The following SPOCK3 variants were observed in gnomAD, a reference collection of about 807,000 sequenced individuals.
The protein encoded by SPOCK3 is testican-3.
A neutral mutation model predicts 56.6 loss-of-function variants in SPOCK3; 30 were observed. The ratio of observed to expected loss-of-function variants is 0.53; its 90% CI spans 0.40 to 0.72. The LOEUF (loss-of-function observed/expected upper bound fraction) is 0.72, where lower values mean the gene tolerates loss of function less well. SPOCK3 is among the 30% of genes least tolerant of loss of function. SPOCK3 has a pLI of 0.00. For missense variants in SPOCK3, 527 were observed against 530.0 expected, an observed-to-expected ratio of 0.99 and a Z score of 0.06; for synonymous variants, 196 against 183.3, an observed-to-expected ratio of 1.07 and a Z score of -0.56.
At chr4:167,089,027 G>A (rs934574743) in intron 2 of SPOCK3, among the ~76,000 whole-genome samples, 1 of 151,940 alleles carries the variant, frequency 6.6e-6, no homozygotes, top group African/African-American at 2.4e-5. Context: ...CAATTCATTA[G>A]GTCAGCATAT....
rs953857849 is a variant in SPOCK3, at chr4:167,142,954, T to C, written c.190-80417A>G. Among the ~76,000 whole-genome samples the C allele has an allele frequency of 3.2e-4, 49 of 152,044 alleles. No homozygotes were observed. In the Middle Eastern group the frequency reaches 0.01, roughly 32 times the overall value. On this transcript the variant is annotated intron_variant, in intron 2 of 10. Transcript: ENST00000357545. ...GATAAAAGGAAGTCAATACATAATA[T>C]TATGCCACTAGCTGAAGAATTAATA...
chr4:167,102,392 A>T (rs1218190473), intron 2 of SPOCK3: 2 of 152,226 alleles, frequency 1.3e-5, no homozygotes, highest in African/African-American at 4.8e-5. Flanking sequence ...CTACACAAAG[A>T]AAGCACCTTC....
At chr4:166,981,789 G>T (rs1746604753) in intron 4 of SPOCK3, among the ~76,000 whole-genome samples, 1 of 152,164 alleles carries the variant, frequency 6.6e-6, no homozygotes, top group South Asian at 2.1e-4. Flanking sequence ...TCTACACCAA[G>T]GGGAGCCTGC....
intron 4 of SPOCK3, among the ~76,000 whole-genome samples, chr4:166,935,899 G>C (rs774411196): frequency 6.6e-6 from 1 of 152,112 alleles, no homozygotes; most frequent in African/African-American, 2.4e-5. Context: ...GTTAGATGTG[G>C]TATATAATAA....
intron 2 of SPOCK3, among the ~76,000 whole-genome samples, chr4:167,158,244 C>T (rs1764980147): frequency 6.6e-6 from 1 of 151,894 alleles, no homozygotes; most frequent in Admixed American, 6.6e-5. Flanking sequence ...AGGATATACA[C>T]TATAGTCTTT....
intron 8 of SPOCK3, chr4:166,754,023 T>C: frequency 4.7e-6 from 4 of 843,628 alleles, no homozygotes; most frequent in Non-Finnish European, 5.7e-6. Context: ...TTTTGAAAAG[T>C]TTGAAAGACT....
At chr4:166,743,639 C>G (rs956632464) in intron 8 of SPOCK3, among the ~76,000 whole-genome samples, 2 of 152,132 alleles carry the variant, frequency 1.3e-5, no homozygotes, top group Non-Finnish European at 2.9e-5. Context: ...AGAGTATGAG[C>G]CGAAGCAGGG....
intron 7 of SPOCK3, among the ~76,000 whole-genome samples, chr4:166,771,549 C>T (rs1291434104): frequency 1.3e-5 from 2 of 151,968 alleles, no homozygotes; most frequent in East Asian, 1.9e-4. Context: ...ATTATTATTA[C>T]ATTTCATCAA....
chr4:167,056,887 C>A (rs1248620632), intron 3 of SPOCK3, among the ~76,000 whole-genome samples: 1 of 152,078 alleles, frequency 6.6e-6, no homozygotes, highest in Non-Finnish European at 1.5e-5. Flanking sequence ...GGAGAACTTC[C>A]CCAATCTAGC....
At chr4:167,194,811 TACACCA>T (rs1279447445) in intron 2 of SPOCK3, among the ~76,000 whole-genome samples, 11 of 152,148 alleles carry the variant, frequency 7.2e-5, no homozygotes, top group African/African-American at 2.7e-4. Context: ...GGGACAAGGA[TACACCA>T]CTTCAGGCTC....
chr4:166,860,801 T>TCATATATATATATATA (rs1450447626), intron 6 of SPOCK3, among the ~76,000 whole-genome samples: 3 of 19,030 alleles, frequency 1.6e-4, no homozygotes, highest in Admixed American at 3.8e-4. Context: ...ACACACAAAT[T>TCATATATATATATATA]CATATATATA....
chr4:167,151,219 C>T (rs935809127), intron 2 of SPOCK3, among the ~76,000 whole-genome samples: 1 of 152,050 alleles, frequency 6.6e-6, no homozygotes, highest in Non-Finnish European at 1.5e-5. Flanking sequence ...GTGATTGCAA[C>T]GCGTAGTCGA....
chr4:167,116,588 A>ATATATATACGTATATACTATATACG (rs1561233588), intron 2 of SPOCK3, among the ~76,000 whole-genome samples: 8 of 138,488 alleles, frequency 5.8e-5, no homozygotes, highest in African/African-American at 2.1e-4. Flanking sequence ...ATAGTTTTGT[A>ATATATATACGTATATACTATATACG]TATATATACA....
rs890030692 is a variant in SPOCK3 at position 166,830,097 on chromosome 4, C to A, written c.590-37808G>T. 2.0e-5 allele frequency among the ~76,000 whole-genome samples: 3 copies of A among 152,206 alleles called. No homozygotes were observed. In the East Asian group the frequency reaches 5.8e-4, roughly 30 times the overall value. On this transcript the variant is annotated intron_variant, in intron 6 of 10. Coordinates refer to ENST00000357545, the MANE Select transcript of SPOCK3 (RefSeq NM_001040159.2). Reference sequence around the variant, plus strand: ...ATTTCTTATACCACTCTTCATTTTACGTAAGATATCTCTCAATCACCACCC... The same window carrying A: ...ATTTCTTATACCACTCTTCATTTTAAGTAAGATATCTCTCAATCACCACCC...
chr4:166,869,606 CTGTGTGTGTGTGTGTGTGTG>C (rs34623275), intron 6 of SPOCK3, among the ~76,000 whole-genome samples: 3 of 141,928 alleles, frequency 2.1e-5, no homozygotes, highest in South Asian at 2.4e-4. Flanking sequence ...CAATAGAATT[CTGTGTGTGTGTGTGTGTGTG>C]TGTGTGTGTG....
intron 2 of SPOCK3, among the ~76,000 whole-genome samples, chr4:167,109,422 T>TGTATATTTATATATAAATATATATATAA (rs1561225549): frequency 1.1e-3 from 79 of 69,954 alleles, no homozygotes; most frequent in East Asian, 0.01. Context: ...TATATATAAA[T>TGTATATTTATATATAAATATATATATAA]ATATATATGA....
chr4:167,109,251 T>C (rs1285571381), intron 2 of SPOCK3, among the ~76,000 whole-genome samples: 5 of 89,898 alleles, frequency 5.6e-5, no homozygotes, highest in African/African-American at 2.3e-4. Flanking sequence ...ATTTATTTAT[T>C]ATATATTTAT....
intron 4 of SPOCK3, among the ~76,000 whole-genome samples, chr4:166,939,727 A>T (rs1411620361): frequency 6.6e-6 from 1 of 152,212 alleles, no homozygotes; most frequent in Non-Finnish European, 1.5e-5. Flanking sequence ...CGGTCTTGCT[A>T]AAATAGTTCG....
intron 2 of SPOCK3, among the ~76,000 whole-genome samples, chr4:167,115,597 G>T (rs1761264566): frequency 6.6e-6 from 1 of 151,968 alleles, no homozygotes; most frequent in South Asian, 2.1e-4. Flanking sequence ...TCATGTTGGG[G>T]AATAGAAACA....
Sources: gnomAD v4.1 joint callset for allele counts (sites outside exome capture counted in the v4.1 genomes callset) on GRCh38, gnomAD v4.1.1 for gene constraint, MANE v1.5 for transcripts, NCBI Gene and HGNC (gene_info 2026-07-23, HGNC 2026-07-21) for gene names.